FRMPD4: variants seen among roughly 807,000 people sequenced by gnomAD.
The protein encoded by FRMPD4 is FERM and PDZ domain-containing protein 4.
In FRMPD4, 22 loss-of-function variants were observed where a neutral mutation model predicts 94.1. That is an observed-to-expected ratio of 0.23 (90% CI 0.17 to 0.33). The LOEUF (loss-of-function observed/expected upper bound fraction) is 0.33. Ranked by LOEUF, FRMPD4 falls within the 10% of genes least tolerant of loss-of-function variation. The probability of loss-of-function intolerance (pLI) is 1.00; values close to 1 mark genes in which losing one functional copy is unlikely to be tolerated. For missense variants in FRMPD4, 1,111 were observed against 1,339.9 expected, an observed-to-expected ratio of 0.83 and a Z score of 2.67; for synonymous variants, 631 against 548.6, an observed-to-expected ratio of 1.15 and a Z score of -2.10.
intron 1 of FRMPD4, among the ~76,000 whole-genome samples, chrX:12,219,871 A>G (rs769600890): frequency 8.9e-5 from 10 of 112,017 alleles, no homozygotes; most frequent in African/African-American, 3.2e-4. Flanking sequence ...ACCAGGTGCC[A>G]TGTCTCAAGC....
intron 3 of FRMPD4, among the ~76,000 whole-genome samples, chrX:12,056,794 C>T (rs1383192830): frequency 4.5e-5 from 5 of 111,497 alleles, no homozygotes; most frequent in South Asian, 3.8e-4. Flanking sequence ...TTTCATGATA[C>T]GAACATACTA....
At chrX:12,251,084 G>A (rs1399708599) in intron 1 of FRMPD4, among the ~76,000 whole-genome samples, 5 of 112,067 alleles carry the variant, frequency 4.5e-5, no homozygotes, top group Non-Finnish European at 7.5e-5. Flanking sequence ...TTTGCCTGAC[G>A]TTCAGAAATG....
chrX:12,122,367 T>C (rs185330011), intron 3 of FRMPD4, among the ~76,000 whole-genome samples: 2 of 111,952 alleles, frequency 1.8e-5, no homozygotes, highest in Non-Finnish European at 3.8e-5. Context: ...AACCCAGAGT[T>C]CTCCCATCTT....
intron 3 of FRMPD4, among the ~76,000 whole-genome samples, chrX:12,050,682 A>G (rs1041640472): frequency 9.1e-6 from 1 of 110,308 alleles, no homozygotes; most frequent in Non-Finnish European, 1.9e-5. Flanking sequence ...GTTTATTCTA[A>G]CAGCTGAACT....
At chrX:12,359,017 A>G in intron 1 of FRMPD4, among the ~76,000 whole-genome samples, 1 of 112,192 alleles carries the variant, frequency 8.9e-6, no homozygotes, top group East Asian at 2.8e-4. Flanking sequence ...ATATATTTAA[A>G]CAAGGGTACA....
At chrX:12,340,914 A>G (rs935094426) in intron 1 of FRMPD4, among the ~76,000 whole-genome samples, 1 of 111,771 alleles carries the variant, frequency 8.9e-6, no homozygotes, top group South Asian at 3.8e-4. Flanking sequence ...CATCCCAGTC[A>G]TGTCAGTTGA....
intron 3 of FRMPD4, among the ~76,000 whole-genome samples, chrX:12,085,211 G>A (rs1286160107): frequency 1.8e-5 from 2 of 111,647 alleles, no homozygotes; most frequent in African/African-American, 3.3e-5. Flanking sequence ...TCTACCATAC[G>A]GCAATTACTG....
chrX:12,541,579 G>A (rs1451089050), intron 2 of FRMPD4, among the ~76,000 whole-genome samples: 1 of 111,598 alleles, frequency 9.0e-6, no homozygotes, highest in African/African-American at 3.3e-5. Flanking sequence ...AACAGGCTCT[G>A]AAATCGAGGC....
At chrX:12,379,606 A>C (rs757684182) in intron 1 of FRMPD4, among the ~76,000 whole-genome samples, 1 of 104,253 alleles carries the variant, frequency 9.6e-6, no homozygotes, top group African/African-American at 3.5e-5. Context: ...ATATGTTATA[A>C]ATTTATATAT....
At chrX:12,447,673 A>G (rs1263203036) in intron 1 of FRMPD4, among the ~76,000 whole-genome samples, 2 of 111,741 alleles carry the variant, frequency 1.8e-5, no homozygotes, top group Non-Finnish European at 3.8e-5. Context: ...TACCTACGTC[A>G]TGGATCCAGG....
rs112495780 is a variant in FRMPD4, at chrX:12,265,036, C to T, written c.41+126024C>T. ...TAGCAGTAGAAGAAAAAGTTGTCTT[C>T]ACTTTGCCTTAATGTAAAAACAAGA... On this transcript the variant is annotated intron_variant, in intron 1 of 16. Transcript: ENST00000675598. Among the ~76,000 whole-genome samples, 1,101 of 112,075 alleles carry T rather than the reference C, an allele frequency of 9.8e-3. 11 individuals carry two copies. The highest frequency in any genetic ancestry group is 0.034 in the African/African-American group (1,049 of 30,829).
At chrX:12,328,723 A>C (rs2055325388) in intron 1 of FRMPD4, among the ~76,000 whole-genome samples, 1 of 111,861 alleles carries the variant, frequency 8.9e-6, no homozygotes, top group Non-Finnish European at 1.9e-5. Flanking sequence ...AGAATTCAGA[A>C]TCGGAAACAA....
chrX:12,521,765 TA>T (rs1192846954), intron 2 of FRMPD4, among the ~76,000 whole-genome samples: 1 of 111,720 alleles, frequency 9.0e-6, no homozygotes, highest in Non-Finnish European at 1.9e-5. Context: ...AATGTGAGTT[TA>T]AAGATCTTCA....
rs760350487 is a variant in FRMPD4, at chrX:11,933,486, G to A, written c.95+55468G>A. Among the ~76,000 whole-genome samples the A allele has an allele frequency of 2.7e-5, 3 of 112,655 alleles. No individual in the cohort carries two copies. The East Asian group carries it at 8.3e-4, about 31-fold the overall frequency. ...TAAAGTTTTCCAGATGTGTGGAGTA[G>A]CAGTCAGCAAGGAAAAAGCCAGTAG... On this transcript the variant is annotated intron_variant, in intron 3 of 18. Transcript: ENST00000640291.
At chrX:12,697,257 C>T (rs1051150924) in intron 9 of FRMPD4, among the ~76,000 whole-genome samples, 6 of 112,241 alleles carry the variant, frequency 5.3e-5, no homozygotes, top group Non-Finnish European at 9.4e-5. Context: ...CCCCAGCAGG[C>T]GTGACTGCAT....
intron 3 of FRMPD4, among the ~76,000 whole-genome samples, chrX:12,107,309 C>A (rs991269859): frequency 8.9e-6 from 1 of 112,057 alleles, no homozygotes; most frequent in African/African-American, 3.2e-5. Context: ...GGACCTCCAG[C>A]AAACTCCAAC....
intron 1 of FRMPD4, among the ~76,000 whole-genome samples, chrX:12,498,368 C>T (rs1206400889): frequency 9.0e-6 from 1 of 111,138 alleles, no homozygotes; most frequent in Non-Finnish European, 1.9e-5. Context: ...TGGACTCAGG[C>T]CTCTGGTTAC....
chrX:12,570,415 C>T (rs1024725783), intron 2 of FRMPD4, among the ~76,000 whole-genome samples: 1 of 111,762 alleles, frequency 8.9e-6, no homozygotes, highest in African/African-American at 3.3e-5. Flanking sequence ...AAGTGATTCT[C>T]CTGCCTCAGC....
chrX:12,101,682 C>T (rs2055257250), intron 3 of FRMPD4, among the ~76,000 whole-genome samples: 1 of 108,789 alleles, frequency 9.2e-6, no homozygotes, highest in Non-Finnish European at 1.9e-5. Context: ...ATGTTTATTA[C>T]ATAAAATAAA....
Sources: allele counts gnomAD v4.1 joint callset (sites outside exome capture counted in the v4.1 genomes callset), GRCh38; gene constraint gnomAD v4.1.1; transcripts MANE v1.5; gene names NCBI Gene and HGNC (gene_info 2026-07-23, HGNC 2026-07-21).